The following CCN2 variants were observed in gnomAD, a reference collection of about 807,000 sequenced individuals.
CCN2 encodes cellular communication network factor 2, also known as CCN family member 2.
Under a neutral mutation model 33.2 loss-of-function variants are expected in CCN2, and 22 were observed. The ratio of observed to expected loss-of-function variants is 0.66; its 90% CI spans 0.47 to 0.95. CCN2 has a LOEUF of 0.95. CCN2 is among the 40% of genes least tolerant of loss of function. The pLI, the probability that CCN2 is intolerant of heterozygous loss-of-function variation, is 0.00. For synonymous variants in CCN2, 178 were observed against 200.6 expected (o/e 0.89, Z 0.95); for missense variants, 469 against 498.8 (o/e 0.94, Z 0.57).
In CCN2 at chr6:131,950,559, G is replaced by A. The variant is rs770370029; in HGVS notation, c.290-16C>T. 3.7e-6 allele frequency: 6 copies of A among 1,610,292 alleles called. No individual in the cohort carries two copies. Among genetic ancestry groups the A allele is most frequent in the Non-Finnish European group, 5.1e-6 (6 of 1,177,878 alleles). On this transcript the variant is annotated splice_polypyrimidine_tract_variant and intron_variant, in intron 2 of 4. Coordinates refer to ENST00000367976, the MANE Select transcript of CCN2 (RefSeq NM_001901.4). The surrounding 1 kb of genome is among the most constrained non-coding windows in gnomAD (Gnocchi z 7.1). ...CCATCTTTGGCTGGAGAAGAGGAAG[G>A]GAAGAGAGGGGTGGGGGATGCAGAG...
Position 131,951,244 on chromosome 6 carries a change from G to T in CCN2, c.-72C>A, listed in dbSNP as rs1166561198. 1.7e-6 allele frequency: 2 copies of T among 1,201,316 alleles called. No individual in the cohort carries two copies. The highest frequency in any genetic ancestry group is 4.3e-5 in the Admixed American group (1 of 23,280). The allele number at this position is 1,201,316 out of a possible 1,614,324, so 74.4% of individuals were successfully genotyped here. ...GAGCGGCGGGGCCTGGAGCGCTGGC[G>T]GTGGTCGGAGGTGGGGACCGGGACG... On this transcript the variant is annotated 5_prime_UTR_variant, in exon 1 of 5. Coordinates refer to ENST00000367976, the MANE Select transcript of CCN2 (RefSeq NM_001901.4).
Position 131,948,379 on chromosome 6 carries a change from A to G in CCN2, c.*885T>C, listed in dbSNP as rs969429096. ...TGTTCATTAAAAGTGAGGCTACCACATTTCCTACCTAGAAATCAGCCTGCC... is the reference window on the plus strand; with the variant it reads ...TGTTCATTAAAAGTGAGGCTACCACGTTTCCTACCTAGAAATCAGCCTGCC... On this transcript the variant is annotated 3_prime_UTR_variant, in exon 5 of 5. Coordinates refer to ENST00000367976, the MANE Select transcript of CCN2 (RefSeq NM_001901.4). 6.6e-6 allele frequency: 1 copy of G among 152,586 alleles called. No homozygotes were observed. The highest frequency in any genetic ancestry group is 2.4e-5 in the African/African-American group (1 of 41,430). 9.5% of individuals were successfully genotyped at this position (152,586 alleles called of 1,614,324 possible). A position where few individuals can be genotyped will look rare whatever the true frequency, so the allele number is the denominator to read the frequency against.
intron 4 of CCN2, 67 bp from the exon 5 acceptor site, chr6:131,949,627 T>A (rs1783072310): frequency 2.9e-6 from 4 of 1,379,724 alleles, no homozygotes; most frequent in Non-Finnish European, 4.0e-6. Flanking sequence ...GGAGTGGCTT[T>A]CTTCAACCCT....
In CCN2 at chr6:131,949,381, C is replaced by T. The variant is rs375918276; in HGVS notation, c.933G>A (p.Glu311=). 38 of 1,614,040 alleles carry T rather than the reference C, an allele frequency of 2.4e-5. No individual in the cohort carries two copies. The highest frequency in any genetic ancestry group is 3.0e-5 in the Non-Finnish European group (35 of 1,180,042). Residue 311 remains glutamate (E), a synonymous_variant, in exon 5 of 5, where the codon GAG becomes GAA. Transcript: ENST00000367976. ...LPVEFKCPDG[E]VMKKNMMFIK... is the part of the protein sequence containing the mutation. ...TGAACATCATGTTCTTCTTCATGAC[C>T]TCGCCGTCAGGGCACTTGAACTCCA...
chr6:131,949,179 C>G lies in CCN2; in HGVS notation c.*85G>C, dbSNP rs1783061352. ...GAAAAACAGATTTAAATAACTTGTG[C>G]TACTGAAATCATTTTTACGGAAAAA... is the stretch of plus-strand genomic sequence containing the variant. On this transcript the variant is annotated 3_prime_UTR_variant, in exon 5 of 5. Coordinates refer to ENST00000367976, the MANE Select transcript of CCN2 (RefSeq NM_001901.4). 13 of 1,181,250 alleles carry G rather than the reference C, an allele frequency of 1.1e-5. No individual in the cohort carries two copies. The East Asian group carries it at 2.8e-4, about 26-fold the overall frequency. The allele number at this position is 1,181,250 out of a possible 1,614,324, so 73.2% of individuals were successfully genotyped here.
rs1783091295 is a variant in CCN2 at position 131,950,619 on chromosome 6, C to A, written c.290-76G>T. The A allele has an allele frequency of 3.2e-6, 5 of 1,567,688 alleles. No homozygotes were observed. Among genetic ancestry groups the A allele is most frequent in the Non-Finnish European group, 3.5e-6 (4 of 1,152,500 alleles). On this transcript the variant is annotated intron_variant, in intron 2 of 4. Transcript: ENST00000367976. The surrounding 1 kb of genome is among the most constrained non-coding windows in gnomAD (Gnocchi z 7.1). ...TGGGGCACTCTCACATCCAGAGCGT[C>A]AGGGATGCGAGTTGGGATCTGGGCT...
chr6:131,950,734 G>A lies in CCN2; in HGVS notation c.289+36C>T, dbSNP rs1484859973. 1 of 1,506,954 alleles carries A rather than the reference G, an allele frequency of 6.6e-7. No homozygotes were observed. Among genetic ancestry groups the A allele is most frequent in the Non-Finnish European group, 8.9e-7 (1 of 1,128,102 alleles). 93.3% of individuals were successfully genotyped at this position (1,506,954 alleles called of 1,614,324 possible). ...GGCGGGTGGGCGTGAGGGAGGAGGC[G>A]GCCGGACACCTAGCGGTGGGGGCTG... On this transcript the variant is annotated intron_variant, in intron 2 of 4. Coordinates refer to ENST00000367976, the MANE Select transcript of CCN2 (RefSeq NM_001901.4). The surrounding 1 kb of genome is among the most constrained non-coding windows in gnomAD (Gnocchi z 7.1).
chr6:131,949,210 T>C lies in CCN2; in HGVS notation c.*54A>G, dbSNP rs1451164740. Reference sequence around the variant, plus strand: ...AAATCATTTTTACGGAAAAATGAGATGTGAATCAGTTCAAGTTCCAGTCTA... The same window carrying C: ...AAATCATTTTTACGGAAAAATGAGACGTGAATCAGTTCAAGTTCCAGTCTA... On this transcript the variant is annotated 3_prime_UTR_variant, in exon 5 of 5. Coordinates refer to ENST00000367976, the MANE Select transcript of CCN2 (RefSeq NM_001901.4). The C allele has an allele frequency of 3.4e-6, 5 of 1,457,514 alleles. No individual in the cohort carries two copies. Among genetic ancestry groups the C allele is most frequent in the Non-Finnish European group, 4.8e-6 (5 of 1,043,278 alleles). 90.3% of individuals were successfully genotyped at this position (1,457,514 alleles called of 1,614,324 possible).
chr6:131,949,588 GAA>G (rs59140114), intron 4 of CCN2, 28 bp from the exon 5 acceptor site: 661 of 1,063,924 alleles, frequency 6.2e-4, no homozygotes, highest in South Asian at 1.7e-3. Flanking sequence ...AAAGAGAGAG[GAA>G]AAAAAAAAAT....
intron 1 of CCN2, 35 bp downstream of exon 1, chr6:131,951,072 A>C: frequency 7.8e-7 from 1 of 1,290,028 alleles, no homozygotes; most frequent in African/African-American, 1.5e-5. Flanking sequence ...CCTCCCTGGC[A>C]GCCGCCGGCC....
In CCN2 at chr6:131,950,225, C is replaced by T; in HGVS notation, c.542-65G>A. On this transcript the variant is annotated intron_variant, in intron 3 of 4. Transcript: ENST00000367976. The surrounding 1 kb of genome is among the most constrained non-coding windows in gnomAD (Gnocchi z 7.1). ...GGATAAGGTATTTCCCCCGTTCGGT[C>T]GGCACAGTTAGGACTCCCTCCCTGG... 6.2e-7 allele frequency: 1 copy of T among 1,610,780 alleles called. No homozygotes were observed. Among genetic ancestry groups the T allele is most frequent in the Admixed American group, 1.7e-5 (1 of 59,914 alleles).
chr6:131,951,138 G>A lies in CCN2; in HGVS notation c.35C>T (p.Ala12Val), dbSNP rs2114784784. ...GCAGAGGGCGAGGAGGACCACGAAG[G>A]CGACGCGGACGGGGCCCATACTGGC... ...TAASMGPVRVAFVVLLALCSR... is the reference protein window; with the variant it reads ...TAASMGPVRVVFVVLLALCSR... The change falls in exon 1 of 5, where the codon GCC becomes GTC. Residue 12 changes from alanine to valine, a missense_variant. Transcript: ENST00000367976. 1 of 1,348,556 alleles carries A rather than the reference G, an allele frequency of 7.4e-7. No homozygotes were observed. Among genetic ancestry groups the A allele is most frequent in the Non-Finnish European group, 9.5e-7 (1 of 1,047,630 alleles). The allele number at this position is 1,348,556 out of a possible 1,614,324, so 83.5% of individuals were successfully genotyped here.
At chr6:131,951,046 C>G in intron 1 of CCN2, 54 bp from the exon 2 acceptor site, 1 of 1,261,158 alleles carries the variant, frequency 7.9e-7, no homozygotes. Flanking sequence ...ACGCCCTCCC[C>G]GGCCGGCCCC....
chr6:131,950,766 TTA>T lies in CCN2; in HGVS notation c.289+2_289+3del. ...CACCTAGCGGTGGGGGCTGCGGGTC[TTA>T]CCGGTGCACACGCCGATCTTGCGGT... is the stretch of plus-strand genomic sequence containing the variant. On this transcript the variant is annotated splice_donor_variant and splice_donor_region_variant and intron_variant, in intron 2 of 4. Coordinates refer to ENST00000367976, the MANE Select transcript of CCN2 (RefSeq NM_001901.4). LOFTEE classifies it high-confidence loss of function. This position sits in a 1 kb window ranked among gnomAD's most constrained non-coding sequence, Gnocchi z 7.1. The T allele has an allele frequency of 6.5e-7, 1 of 1,540,026 alleles. No homozygotes were observed. Among genetic ancestry groups the T allele is most frequent in the Non-Finnish European group, 8.7e-7 (1 of 1,149,976 alleles).
Position 131,950,480 on chromosome 6 carries a change from C to T in CCN2, c.353G>A (p.Ser118Asn), listed in dbSNP as rs34385143. 5.5e-5 allele frequency: 89 copies of T among 1,613,992 alleles called. 1 individual carries two copies. The African/African-American group carries it at 8.9e-4, about 16-fold the overall frequency. ...TVYRSGESFQ[S>N]SCKYQCTCLD... ...GCACGTGCACTGGTACTTGCAGCTG[C>T]TCTGGAAGGACTCTCCGCTGCGGTA... is the stretch of plus-strand genomic sequence containing the variant. The change falls in exon 3 of 5, where the codon AGC becomes AAC. Residue 118 changes from serine to asparagine, a missense_variant. Coordinates refer to ENST00000367976, the MANE Select transcript of CCN2 (RefSeq NM_001901.4). This position sits in a 1 kb window ranked among gnomAD's most constrained non-coding sequence, Gnocchi z 7.1.
Position 131,950,499 on chromosome 6 carries a change from T to C in CCN2, c.334A>G (p.Ser112Gly). The C allele has an allele frequency of 6.2e-7, 1 of 1,613,788 alleles. No homozygotes were observed. Among genetic ancestry groups the C allele is most frequent in the South Asian group, 1.1e-5 (1 of 91,066 alleles). ...PCIFGGTVYR[S>G]GESFQSSCKY... ...CAGCTGCTCTGGAAGGACTCTCCGC[T>C]GCGGTACACCGTACCACCGAAGATG... The change falls in exon 3 of 5, where the codon AGC (serine) becomes GGC (glycine). Residue 112 changes from serine (S) to glycine (G), a missense_variant. Ser to Gly is a moderately conservative substitution (Grantham distance 56). Coordinates refer to ENST00000367976, the MANE Select transcript of CCN2 (RefSeq NM_001901.4). This position sits in a 1 kb window ranked among gnomAD's most constrained non-coding sequence, Gnocchi z 7.1.
At chr6:131,949,687 G>A in intron 4 of CCN2, 127 bp from the exon 5 acceptor site, 1 of 993,528 alleles carries the variant, frequency 1.0e-6, no homozygotes, top group Non-Finnish European at 1.5e-6. Context: ...TTTGAGGGGA[G>A]GAAGTTTGAG....
intron 1 of CCN2, 57 bp from the exon 2 acceptor site, chr6:131,951,049 C>A: frequency 7.9e-7 from 1 of 1,265,466 alleles, no homozygotes; most frequent in Non-Finnish European, 9.9e-7. Flanking sequence ...CCCTCCCCGG[C>A]CGGCCCCGAG....
Position 131,951,215 on chromosome 6 carries a change from C to T in CCN2, c.-43G>A, listed in dbSNP as rs1783106269. ...GAGCGGAGGGCGCGGTGGCGGCGAGCGGGGAGCGGCGGGGCCTGGAGCGCT... is the reference window on the plus strand; with the variant it reads ...GAGCGGAGGGCGCGGTGGCGGCGAGTGGGGAGCGGCGGGGCCTGGAGCGCT... On this transcript the variant is annotated 5_prime_UTR_variant, in exon 1 of 5. Transcript: ENST00000367976. 3 of 1,262,074 alleles carry T rather than the reference C, an allele frequency of 2.4e-6. No homozygotes were observed. The highest frequency in any genetic ancestry group is 3.0e-6 in the Non-Finnish European group (3 of 1,004,716). The allele number at this position is 1,262,074 out of a possible 1,614,324, so 78.2% of individuals were successfully genotyped here.
Sources: gnomAD v4.1 joint callset for allele counts on GRCh38, gnomAD v4.1.1 for gene constraint, Gnocchi (gnomAD v3.1) non-coding constraint, MANE v1.5 for transcripts, NCBI Gene and HGNC (gene_info 2026-07-23, HGNC 2026-07-21) for gene names.